The following C10orf143 variants were observed in gnomAD, a reference collection of about 807,000 sequenced individuals.
C10orf143 encodes chromosome 10 open reading frame 143.
chr10:130,053,614 A>G (rs12356442), intron 3 of C10orf143, among the ~76,000 whole-genome samples: 22,387 of 152,184 alleles, frequency 0.15, 1,746 homozygotes, highest in Middle Eastern at 0.21. Context: ...CGTGAGACTC[A>G]AGGGGGCGAA....
At chr10:130,082,410 T>C (rs1363618739) in intron 1 of C10orf143, among the ~76,000 whole-genome samples, 1 of 152,170 alleles carries the variant, frequency 6.6e-6, no homozygotes, top group Non-Finnish European at 1.5e-5. Context: ...TTTGGCTGTG[T>C]CCCTACCAAT....
At chr10:130,041,990 G>A (rs1033578113) in intron 3 of C10orf143, among the ~76,000 whole-genome samples, 1 of 152,066 alleles carries the variant, frequency 6.6e-6, no homozygotes, top group Non-Finnish European at 1.5e-5. Flanking sequence ...ACATTCACAT[G>A]CACACTCATG....
At chr10:130,047,413 C>T (rs929484930) in intron 3 of C10orf143, among the ~76,000 whole-genome samples, 1 of 152,192 alleles carries the variant, frequency 6.6e-6, no homozygotes, top group Non-Finnish European at 1.5e-5. Flanking sequence ...GCGGGAGGGT[C>T]TGTGTAAGGC....
At chr10:130,067,539 G>C (rs1353717528) in intron 3 of C10orf143, 1 of 152,162 alleles carries the variant, frequency 6.6e-6, no homozygotes, top group African/African-American at 2.4e-5. Context: ...CCCTCTGTGG[G>C]TTAAAGATGT....
intron 4 of C10orf143, chr10:130,035,817 A>C (rs1001267905): frequency 2.0e-5 from 3 of 152,240 alleles, no homozygotes; most frequent in Non-Finnish European, 2.9e-5. Context: ...CTGCTATAAC[A>C]AAATGCCACT....
At chr10:130,099,495 ATCT>A (rs1383733946) in intron 1 of C10orf143, among the ~76,000 whole-genome samples, 2 of 151,370 alleles carry the variant, frequency 1.3e-5, no homozygotes, top group Admixed American at 6.6e-5. Flanking sequence ...TTAACTCTGA[ATCT>A]TCTTCTTTTA....
At chr10:130,076,867 C>G (rs773297671) in intron 3 of C10orf143, among the ~76,000 whole-genome samples, 33 of 152,084 alleles carry the variant, frequency 2.2e-4, no homozygotes, top group Admixed American at 8.5e-4. Flanking sequence ...AGGAAGCCTC[C>G]TAGCCATGGC....
intron 3 of C10orf143, among the ~76,000 whole-genome samples, chr10:130,044,761 C>G (rs984480733): frequency 3.9e-5 from 6 of 152,138 alleles, no homozygotes; most frequent in African/African-American, 1.2e-4. Context: ...CACTTGTCAG[C>G]CTTGGGAAGT....
chr10:130,062,952 A>C (rs1277606584), downstream of C10orf143, among the ~76,000 whole-genome samples: 1 of 151,268 alleles, frequency 6.6e-6, no homozygotes, highest in East Asian at 1.9e-4. Context: ...ACTGTGGGCT[A>C]AGGGCAAACC....
chr10:130,064,520 G>GT (rs1860897207), intron 3 of C10orf143, 137 bp from the exon 4 acceptor site: 1 of 383,392 alleles, frequency 2.6e-6, no homozygotes, highest in African/African-American at 2.1e-5. Context: ...AATTCCTGAG[G>GT]TATCTGTTTA....
At chr10:130,091,644 C>A (rs951409310) in intron 1 of C10orf143, among the ~76,000 whole-genome samples, 2 of 152,000 alleles carry the variant, frequency 1.3e-5, no homozygotes, top group Admixed American at 6.5e-5. Context: ...TGTTTTAACC[C>A]AATGTAAGGA....
At position 130,071,829 on chromosome 10, in the gene C10orf143, G is replaced by A. The variant is rs572445707; in HGVS notation, c.298-7446C>T. 2.6e-4 allele frequency among the ~76,000 whole-genome samples: 39 copies of A among 152,182 alleles called. No homozygotes were observed. The South Asian group carries it at 6.0e-3, about 23-fold the overall frequency. On this transcript the variant is annotated intron_variant, in intron 3 of 3. Coordinates refer to ENST00000637128, the MANE Select transcript of C10orf143 (RefSeq NM_001355042.2). ...AGTAGAGATGCAGTTTCTCCATGTTGGTCAGGCTGGTCTTGAACTCCCAAC... is the reference window on the plus strand; with the variant it reads ...AGTAGAGATGCAGTTTCTCCATGTTAGTCAGGCTGGTCTTGAACTCCCAAC...
intron 1 of C10orf143, among the ~76,000 whole-genome samples, chr10:130,100,090 C>G (rs1339020839): frequency 6.6e-6 from 1 of 151,784 alleles, no homozygotes; most frequent in Non-Finnish European, 1.5e-5. Flanking sequence ...CCCAACACAG[C>G]CTCCCAAAGT....
At position 130,056,394 on chromosome 10, in the gene C10orf143, C is replaced by G. The variant is rs1198842367; in HGVS notation, c.298-20424G>C. Among the ~76,000 whole-genome samples, 1 of 152,096 alleles carries G rather than the reference C, an allele frequency of 6.6e-6. No individual in the cohort carries two copies. Among genetic ancestry groups the G allele is most frequent in the Admixed American group, 6.5e-5 (1 of 15,278 alleles). On this transcript the variant is annotated intron_variant and NMD_transcript_variant, in intron 3 of 5. Coordinates refer to the C10orf143 transcript ENST00000643056. This position sits in a 1 kb window ranked among gnomAD's most constrained non-coding sequence, Gnocchi z 4.6. ...GAGCCGCTGCATGCACAGGGCTCAACAGCAAGGGTCATGCTGAGTCAAGCG... is the reference window on the plus strand; with the variant it reads ...GAGCCGCTGCATGCACAGGGCTCAAGAGCAAGGGTCATGCTGAGTCAAGCG...
At chr10:130,041,890 A>G (rs609085) in intron 3 of C10orf143, among the ~76,000 whole-genome samples, 120,318 of 152,124 alleles carry the variant, frequency 0.79, 47,649 homozygotes, top group Middle Eastern at 0.87. Flanking sequence ...TGTAACACAC[A>G]CACACACACA....
chr10:130,077,541 T>G (rs1861138893), intron 3 of C10orf143, among the ~76,000 whole-genome samples: 1 of 152,236 alleles, frequency 6.6e-6, no homozygotes, highest in Admixed American at 6.5e-5. Flanking sequence ...CATTCTGAGC[T>G]GCCTACGGGC....
chr10:130,071,630 C>T (rs1350581802), intron 3 of C10orf143, among the ~76,000 whole-genome samples: 1 of 146,930 alleles, frequency 6.8e-6, no homozygotes, highest in Admixed American at 6.6e-5. Flanking sequence ...CAGTTATATT[C>T]TATATTTTTT....
chr10:130,066,912 C>G (rs1314047083), intron 3 of C10orf143: 1 of 152,212 alleles, frequency 6.6e-6, no homozygotes, highest in Non-Finnish European at 1.5e-5. Flanking sequence ...AATTAAAATG[C>G]CTTGCCTCCT....
At chr10:130,074,053 C>T (rs1861074611) in intron 3 of C10orf143, among the ~76,000 whole-genome samples, 1 of 152,240 alleles carries the variant, frequency 6.6e-6, no homozygotes, top group Non-Finnish European at 1.5e-5. Context: ...AAAACCCGCA[C>T]TGTCACTGCC....
Sources: gnomAD v4.1 joint callset for allele counts (sites outside exome capture counted in the v4.1 genomes callset) on GRCh38, gnomAD v4.1.1 for gene constraint, Gnocchi (gnomAD v3.1) non-coding constraint, MANE v1.5 for transcripts, NCBI Gene and HGNC (gene_info 2026-07-23, HGNC 2026-07-21) for gene names.